PDSS2: variants seen among roughly 807,000 people sequenced by gnomAD.
The protein encoded by PDSS2 is all trans-polyprenyl-diphosphate synthase PDSS2.
A neutral mutation model predicts 44.5 loss-of-function variants in PDSS2; 31 were observed. The observed-to-expected ratio is 0.70, with a 90% CI of 0.52 to 0.94. PDSS2 has a LOEUF of 0.94. PDSS2 is among the 40% of genes least tolerant of loss of function. PDSS2 has a pLI of 0.00. For missense variants in PDSS2, 452 were observed against 482.2 expected (o/e 0.94, Z 0.59); for synonymous variants, 157 against 180.3 (o/e 0.87, Z 1.03).
chr6:107,210,363 C>T, intron 6 of PDSS2, 76 bp downstream of exon 6: 1 of 1,104,460 alleles, frequency 9.1e-7, no homozygotes, highest in Admixed American at 1.7e-5. Context: ...AGCCATATAT[C>T]ACCAAGAAAT....
intron 1 of PDSS2, among the ~76,000 whole-genome samples, chr6:107,435,901 C>G (rs1319304263): frequency 6.6e-6 from 1 of 151,432 alleles, no homozygotes; most frequent in African/African-American, 2.4e-5. Flanking sequence ...TTTTTTAAAG[C>G]TATTTTAAAA....
chr6:107,241,905 C>T (rs889116683), intron 4 of PDSS2, among the ~76,000 whole-genome samples: 3 of 152,224 alleles, frequency 2.0e-5, no homozygotes, highest in East Asian at 3.9e-4. Context: ...ACTAAATTGG[C>T]CCAAGGCTAC....
intron 1 of PDSS2, among the ~76,000 whole-genome samples, chr6:107,357,470 G>T (rs1778627848): frequency 6.6e-6 from 1 of 151,650 alleles, no homozygotes; most frequent in African/African-American, 2.4e-5. Flanking sequence ...CAAAATAAAA[G>T]CTTTCCTATT....
chr6:107,361,050 T>C (rs1370478523), intron 1 of PDSS2, among the ~76,000 whole-genome samples: 1 of 152,158 alleles, frequency 6.6e-6, no homozygotes, highest in Non-Finnish European at 1.5e-5. Flanking sequence ...ACATATATTA[T>C]AATATTCATG....
At chr6:107,211,390 C>T (rs910476539) in intron 5 of PDSS2, among the ~76,000 whole-genome samples, 76 of 152,042 alleles carry the variant, frequency 5.0e-4, no homozygotes, top group African/African-American at 1.8e-3. Flanking sequence ...CAATTTTATT[C>T]ACTATATTTC....
intron 4 of PDSS2, among the ~76,000 whole-genome samples, chr6:107,231,564 C>A (rs1451052166): frequency 6.6e-6 from 1 of 152,194 alleles, no homozygotes; most frequent in Non-Finnish European, 1.5e-5. Context: ...ACAGCTTCTA[C>A]ATAATCTTTA....
chr6:107,198,247 T>C (rs1772635324), intron 6 of PDSS2, among the ~76,000 whole-genome samples: 1 of 152,202 alleles, frequency 6.6e-6, no homozygotes, highest in Admixed American at 6.6e-5. Flanking sequence ...GGACACATTG[T>C]TGGGGATGAC....
chr6:107,325,161 C>A (rs1002856664), intron 2 of PDSS2, among the ~76,000 whole-genome samples: 1 of 152,090 alleles, frequency 6.6e-6, no homozygotes, highest in Non-Finnish European at 1.5e-5. Context: ...CCACACTAAG[C>A]GTAACCAATT....
chr6:107,454,589 C>G (rs759480727), intron 1 of PDSS2, among the ~76,000 whole-genome samples: 22 of 151,594 alleles, frequency 1.5e-4, no homozygotes, highest in Non-Finnish European at 2.6e-4. Flanking sequence ...CTTTTCTTGA[C>G]AAGATGTCTT....
chr6:107,366,310 T>A (rs1260856706), intron 1 of PDSS2, among the ~76,000 whole-genome samples: 1 of 152,054 alleles, frequency 6.6e-6, no homozygotes, highest in Non-Finnish European at 1.5e-5. Context: ...ATTTAAAAAA[T>A]TTTAAAAATA....
At chr6:107,359,005 C>CT (rs1491318573) in intron 1 of PDSS2, among the ~76,000 whole-genome samples, 8 of 81,648 alleles carry the variant, frequency 9.8e-5, no homozygotes, top group African/African-American at 3.9e-4. Flanking sequence ...AGCATTCTCG[C>CT]TCTTTTTTTT....
At chr6:107,160,100 C>A (rs1771068452) in intron 7 of PDSS2, among the ~76,000 whole-genome samples, 1 of 152,108 alleles carries the variant, frequency 6.6e-6, no homozygotes, top group South Asian at 2.1e-4. Context: ...CCTGTAGTCC[C>A]AGCTACTTGG....
At chr6:107,439,160 G>T (rs1216885016) in intron 1 of PDSS2, among the ~76,000 whole-genome samples, 1 of 152,220 alleles carries the variant, frequency 6.6e-6, no homozygotes, top group Non-Finnish European at 1.5e-5. Flanking sequence ...TTGAAAAGAT[G>T]TGTCCACCTA....
intron 4 of PDSS2, among the ~76,000 whole-genome samples, chr6:107,216,778 G>T (rs1354941243): frequency 1.3e-5 from 2 of 152,144 alleles, no homozygotes; most frequent in East Asian, 3.9e-4. Context: ...ATGAATGTGT[G>T]TGTGTTGGGG....
intron 4 of PDSS2, chr6:107,230,108 G>C (rs1174485414): frequency 1.3e-5 from 2 of 159,320 alleles, no homozygotes. Context: ...GTCAGTCAGG[G>C]AGACTGCAAA....
intron 4 of PDSS2, among the ~76,000 whole-genome samples, chr6:107,240,543 C>T (rs890173411): frequency 5.9e-5 from 9 of 151,874 alleles, no homozygotes; most frequent in Admixed American, 2.6e-4. Flanking sequence ...GGATTACAGG[C>T]GCGCACCACC....
chr6:107,439,432 T>C (rs1781450540), intron 1 of PDSS2, among the ~76,000 whole-genome samples: 1 of 152,214 alleles, frequency 6.6e-6, no homozygotes, highest in Non-Finnish European at 1.5e-5. Context: ...AAATTGCATA[T>C]CAGATCACTT....
chr6:107,213,735 C>T (rs1047803743), intron 4 of PDSS2, among the ~76,000 whole-genome samples: 4 of 151,596 alleles, frequency 2.6e-5, no homozygotes, highest in African/African-American at 7.3e-5. Flanking sequence ...CCAGCCTGGG[C>T]GAAAGAGCAA....
At chr6:107,413,939 T>G (rs984881535) in intron 1 of PDSS2, among the ~76,000 whole-genome samples, 2 of 152,150 alleles carry the variant, frequency 1.3e-5, no homozygotes, top group African/African-American at 2.4e-5. Context: ...AAGAGAGCGA[T>G]TCAACATTTA....
Sources: allele counts gnomAD v4.1 joint callset (sites outside exome capture counted in the v4.1 genomes callset), GRCh38; gene constraint gnomAD v4.1.1; transcripts MANE v1.5; gene names NCBI Gene and HGNC (gene_info 2026-07-23, HGNC 2026-07-21).